BUB1: variants seen among roughly 807,000 people sequenced by gnomAD.
The protein encoded by BUB1 is mitotic checkpoint serine/threonine-protein kinase BUB1.
Under a neutral mutation model 135.2 loss-of-function variants are expected in BUB1, and 84 were observed. That is an observed-to-expected ratio of 0.62 (90% CI 0.52 to 0.74). The LOEUF (loss-of-function observed/expected upper bound fraction) is 0.74. Ranked by LOEUF, BUB1 falls within the 30% of genes least tolerant of loss-of-function variation. BUB1 has a pLI of 0.00. For missense variants in BUB1, 1,162 were observed against 1,288.3 expected (o/e 0.90, Z 1.50); for synonymous variants, 403 against 434.4 (o/e 0.93, Z 0.90).
intron 9 of BUB1, among the ~76,000 whole-genome samples, chr2:110,662,197 C>T (rs1003368089): frequency 5.9e-5 from 9 of 152,086 alleles, no homozygotes; most frequent in South Asian, 4.1e-4. Flanking sequence ...AAGCTCATTA[C>T]GGTTTTCCTC....
chr2:110,676,024 C>T (rs1412437460), intron 1 of BUB1, among the ~76,000 whole-genome samples: 1 of 151,998 alleles, frequency 6.6e-6, no homozygotes, highest in Non-Finnish European at 1.5e-5. Flanking sequence ...ACTCAAAATC[C>T]AGAAGCCACA....
intron 9 of BUB1, among the ~76,000 whole-genome samples, chr2:110,665,059 T>C (rs927596958): frequency 7.2e-5 from 11 of 152,174 alleles, no homozygotes; most frequent in Non-Finnish European, 1.3e-4. Flanking sequence ...TTTCTAACAG[T>C]TTCTACATGA....
At chr2:110,649,107 A>C (rs1352301282) in intron 19 of BUB1, 127 bp downstream of exon 19, 1 of 856,066 alleles carries the variant, frequency 1.2e-6, no homozygotes, top group Non-Finnish European at 1.8e-6. Flanking sequence ...AGTATTACAG[A>C]TACAACTCCC....
chr2:110,643,296 A>G (rs1689552387), intron 19 of BUB1, among the ~76,000 whole-genome samples: 1 of 152,222 alleles, frequency 6.6e-6, no homozygotes, highest in Non-Finnish European at 1.5e-5. Flanking sequence ...TGGGGGAGTT[A>G]TAATGTAAAG....
At chr2:110,673,583 C>T (rs1296315387) in intron 3 of BUB1, among the ~76,000 whole-genome samples, 11 of 142,814 alleles carry the variant, frequency 7.7e-5, no homozygotes, top group Non-Finnish European at 1.2e-4. Context: ...TCCGCACATA[C>T]TTTTTTTTTG....
Position 110,649,278 on chromosome 2 carries a change from T to G in BUB1, c.2303A>C (p.Gln768Pro). ...GGGCTTGATGGCTGGAAGTTTACAT[T>G]GCCATTCAAAAGTATTTGGATAGGA... is the stretch of plus-strand genomic sequence containing the variant. ...VSSYPNTFEW[Q>P]CKLPAIKPKT... The change falls in exon 19 of 25, where the codon CAA becomes CCA. Residue 768 changes from glutamine (Q) to proline (P), a missense_variant. Transcript: ENST00000302759. 6.2e-7 allele frequency: 1 copy of G among 1,612,604 alleles called. No homozygotes were observed.
chr2:110,658,458 AT>A lies in BUB1; in HGVS notation c.1467del (p.Glu489AspfsTer5). 6.2e-7 allele frequency: 1 copy of A among 1,614,086 alleles called. No individual in the cohort carries two copies. On this transcript the variant is annotated frameshift_variant, in exon 13 of 25. Transcript: ENST00000302759. LOFTEE classifies it high-confidence loss of function. ...TCTTCATTTTGATCTAGAGATTGCCATTCATCTTTGTCATCAGAAATATCAG... is the reference window on the plus strand; with the variant it reads ...TCTTCATTTTGATCTAGAGATTGCCATCATCTTTGTCATCAGAAATATCAG... ...TLPDISDDKD[E>X]WQSLDQNEDA...
At chr2:110,639,612 G>C (rs1689448407) in intron 24 of BUB1, 130 bp downstream of exon 24, 1 of 727,916 alleles carries the variant, frequency 1.4e-6, no homozygotes, top group African/African-American at 1.8e-5. Flanking sequence ...GGACTGTCCT[G>C]TCACCATATT....
chr2:110,677,336 G>C (rs1417231448), intron 1 of BUB1, among the ~76,000 whole-genome samples: 3 of 152,166 alleles, frequency 2.0e-5, no homozygotes, highest in African/African-American at 7.2e-5. Context: ...TTTACTTCCT[G>C]AACCTATGAC....
At chr2:110,675,911 A>G (rs1690568150) in intron 1 of BUB1, among the ~76,000 whole-genome samples, 1 of 152,198 alleles carries the variant, frequency 6.6e-6, no homozygotes, top group South Asian at 2.1e-4. Context: ...TTGGTCTCCC[A>G]AAGTGTTAGA....
chr2:110,661,388 A>C (rs1690077844), intron 10 of BUB1, 194 bp downstream of exon 10: 1 of 621,726 alleles, frequency 1.6e-6, no homozygotes, highest in East Asian at 3.0e-5. Flanking sequence ...ATTCTAAAAG[A>C]AGCATGGAAT....
chr2:110,669,984 A>AT (rs894343306), intron 5 of BUB1, among the ~76,000 whole-genome samples: 126 of 149,532 alleles, frequency 8.4e-4, no homozygotes, highest in Non-Finnish European at 1.2e-3. Flanking sequence ...GAAATTATCA[A>AT]TTTTTTTTTT....
chr2:110,667,446 A>T, intron 8 of BUB1, 75 bp downstream of exon 8: 3 of 1,390,854 alleles, frequency 2.2e-6, no homozygotes, highest in Non-Finnish European at 2.9e-6. Flanking sequence ...ATTATTCTTT[A>T]AAAAAGTAAT....
In BUB1 at chr2:110,672,660, C is replaced by A. The variant is rs794729661; in HGVS notation, c.422+1G>T. ...CACAGAGAGTTTGACTTTGTAACTA[C>A]CTGTATTGTTGTTGCAGGAACTCTC... On this transcript the variant is annotated splice_donor_variant, in intron 4 of 24. Coordinates refer to ENST00000302759, the MANE Select transcript of BUB1 (RefSeq NM_004336.5). LOFTEE classifies it high-confidence loss of function. 1 of 1,576,852 alleles carries A rather than the reference C, an allele frequency of 6.3e-7. No homozygotes were observed. Among genetic ancestry groups the A allele is most frequent in the Non-Finnish European group, 8.6e-7 (1 of 1,162,906 alleles).
intron 16 of BUB1, 86 bp from the exon 17 acceptor site, chr2:110,653,609 G>A: frequency 8.7e-7 from 1 of 1,144,716 alleles, no homozygotes; most frequent in Non-Finnish European, 1.3e-6. Context: ...ACAAAGTCTA[G>A]GATTTCTTTT....
At chr2:110,672,509 G>T in intron 4 of BUB1, 152 bp downstream of exon 4, 1 of 627,676 alleles carries the variant, frequency 1.6e-6, no homozygotes, top group Non-Finnish European at 2.4e-6. Flanking sequence ...TAATATTTCT[G>T]AGCAGTTTTT....
At chr2:110,677,859 C>A (rs975062301) in intron 1 of BUB1, 111 bp downstream of exon 1, 2 of 1,343,756 alleles carry the variant, frequency 1.5e-6, no homozygotes, top group African/African-American at 3.0e-5. Flanking sequence ...ACATTCCAAA[C>A]CCAGGAAGGG....
At chr2:110,664,860 A>T (rs1400679606) in intron 9 of BUB1, among the ~76,000 whole-genome samples, 1 of 152,236 alleles carries the variant, frequency 6.6e-6, no homozygotes, top group Non-Finnish European at 1.5e-5. Flanking sequence ...GTATCCAAAA[A>T]ATGTCCAAAT....
chr2:110,648,212 T>TA lies in BUB1; in HGVS notation c.2347+1021dup, dbSNP rs879743068. ...TCATGCACTAAACATTATTCAGTGA[T>TA]AAAAAAAAAAAAGCTATCAAATCAT... is the stretch of plus-strand genomic sequence containing the variant. On this transcript the variant is annotated intron_variant, in intron 19 of 24. Coordinates refer to ENST00000302759, the MANE Select transcript of BUB1 (RefSeq NM_004336.5). This position sits in a 1 kb window ranked among gnomAD's most constrained non-coding sequence, Gnocchi z 4.2. Among the ~76,000 whole-genome samples the TA allele has an allele frequency of 4.9e-3, 674 of 137,496 alleles. No homozygotes were observed. The highest frequency in any genetic ancestry group is 7.9e-3 in the Admixed American group (108 of 13,692). 90.2% of individuals were successfully genotyped at this position (137,496 alleles called of 152,430 possible).
Sources: gnomAD v4.1 joint callset for allele counts (sites outside exome capture counted in the v4.1 genomes callset) on GRCh38, gnomAD v4.1.1 for gene constraint, Gnocchi (gnomAD v3.1) non-coding constraint, MANE v1.5 for transcripts, NCBI Gene and HGNC (gene_info 2026-07-23, HGNC 2026-07-21) for gene names.